RIPOR3: variants seen among roughly 807,000 people sequenced by gnomAD.
RIPOR3 encodes the protein family with sequence similarity 65 member C.
Under a neutral mutation model 114.3 loss-of-function variants are expected in RIPOR3, and 95 were observed. The observed-to-expected ratio is 0.83, with a 90% CI of 0.70 to 0.99. The LOEUF is 0.99. Ranked by LOEUF, RIPOR3 falls within the 50% of genes least tolerant of loss-of-function variation. The pLI, the probability that RIPOR3 is intolerant of heterozygous loss-of-function variation, is 0.00. For missense variants in RIPOR3, 1,252 were observed against 1,266.9 expected (o/e 0.99, Z 0.18); for synonymous variants, 575 against 543.8 (o/e 1.06, Z -0.80).
chr20:50,660,749 CTTTT>C (rs58201824), intron 1 of RIPOR3, among the ~76,000 whole-genome samples: 5 of 83,250 alleles, frequency 6.0e-5, no homozygotes, highest in Middle Eastern at 6.8e-3. Flanking sequence ...TGGGATTTAC[CTTTT>C]TTTTTTTTTT....
chr20:50,658,974 G>A (rs2085906147), intron 1 of RIPOR3, among the ~76,000 whole-genome samples: 2 of 152,134 alleles, frequency 1.3e-5, no homozygotes, highest in Admixed American at 6.5e-5. Flanking sequence ...AGTACCCAGT[G>A]CCAAACGGAA....
At chr20:50,610,207 C>T (rs2083925340) in intron 6 of RIPOR3, among the ~76,000 whole-genome samples, 1 of 151,076 alleles carries the variant, frequency 6.6e-6, no homozygotes, top group South Asian at 2.1e-4. Context: ...CCACCCCTGC[C>T]AACCCTGTCT....
chr20:50,644,962 C>T (rs12625811), intron 1 of RIPOR3, among the ~76,000 whole-genome samples: 21,789 of 151,554 alleles, frequency 0.14, 2,051 homozygotes, highest in African/African-American at 0.26. Context: ...GCCTCAGCCT[C>T]CCGAGTAGCT....
At position 50,597,808 on chromosome 20, in the gene RIPOR3, C is replaced by T. The variant is rs563213964; in HGVS notation, c.1660-98G>A. ...CTCACGGCAGACTTGGGCAATGTCC[C>T]GGTCCCAAGCCCCAATCCCACACAC... On this transcript the variant is annotated intron_variant, in intron 13 of 21. Coordinates refer to ENST00000327979, the MANE Select transcript of RIPOR3 (RefSeq NM_001290268.2). 90 of 1,484,644 alleles carry T rather than the reference C, an allele frequency of 6.1e-5. 1 individual carries two copies. In the South Asian group the frequency reaches 9.0e-4, roughly 15 times the overall value. 92.0% of individuals were successfully genotyped at this position (1,484,644 alleles called of 1,614,324 possible). A position where few individuals can be genotyped will look rare whatever the true frequency, so the allele number is the denominator to read the frequency against.
At chr20:50,639,525 C>T (rs539899972) in intron 1 of RIPOR3, among the ~76,000 whole-genome samples, 5 of 152,176 alleles carry the variant, frequency 3.3e-5, no homozygotes, top group Admixed American at 2.0e-4. Flanking sequence ...GATGGAGCCA[C>T]CTGAAGTGGC....
intron 1 of RIPOR3, among the ~76,000 whole-genome samples, chr20:50,677,369 T>A (rs1211462954): frequency 1.5e-4 from 1 of 6,458 alleles, no homozygotes; most frequent in Non-Finnish European, 8.5e-4. Flanking sequence ...TTGTTTTACT[T>A]TTTTTTTTTT....
chr20:50,633,826 C>T (rs1324805937), intron 1 of RIPOR3, among the ~76,000 whole-genome samples: 1 of 152,174 alleles, frequency 6.6e-6, no homozygotes, highest in Non-Finnish European at 1.5e-5. Context: ...CGGAGCAGAC[C>T]TGCAGAACCT....
rs1333308637 is a variant in RIPOR3 at position 50,586,770 on chromosome 20, GGCCAGCCACCT to G, written c.*451_*461del. On this transcript the variant is annotated 3_prime_UTR_variant, in exon 22 of 22. Coordinates refer to ENST00000327979, the MANE Select transcript of RIPOR3 (RefSeq NM_001290268.2). Reference sequence around the variant, plus strand: ...GGCCTGAGCAGTCTTGCATTAGCAGGGCCAGCCACCTGCCAGCCTGCTGCATCCCCAGTGCC... The same window carrying G: ...GGCCTGAGCAGTCTTGCATTAGCAGGGCCAGCCTGCTGCATCCCCAGTGCC... 9.8e-5 allele frequency: 16 copies of G among 163,776 alleles called. No individual in the cohort carries two copies. Among genetic ancestry groups the G allele is most frequent in the Non-Finnish European group, 2.2e-4 (16 of 74,114 alleles). 10.1% of individuals were successfully genotyped at this position (163,776 alleles called of 1,614,324 possible).
intron 1 of RIPOR3, among the ~76,000 whole-genome samples, chr20:50,659,642 C>T (rs1339800775): frequency 3.2e-5 from 4 of 125,206 alleles, no homozygotes; most frequent in South Asian, 2.6e-4. Flanking sequence ...AGCGAAACTC[C>T]GTCTCAAAAA....
At chr20:50,618,592 C>T (rs1288553114) in intron 3 of RIPOR3, among the ~76,000 whole-genome samples, 1 of 152,234 alleles carries the variant, frequency 6.6e-6, no homozygotes, top group African/African-American at 2.4e-5. Context: ...TGAACCCTCC[C>T]TGCCTCTGCC....
intron 1 of RIPOR3, among the ~76,000 whole-genome samples, chr20:50,666,226 T>TCTTTTCTCTTCTCCTCTC (rs1555873214): frequency 1.4e-5 from 2 of 139,736 alleles, no homozygotes; most frequent in African/African-American, 5.4e-5. Flanking sequence ...TCTTTTCTTT[T>TCTTTTCTCTTCTCCTCTC]TTGAGACGGA....
At chr20:50,648,428 G>A in intron 1 of RIPOR3, among the ~76,000 whole-genome samples, 1 of 151,364 alleles carries the variant, frequency 6.6e-6, no homozygotes. Context: ...CAAGGTGTCG[G>A]CAGGGCCATG....
intron 1 of RIPOR3, among the ~76,000 whole-genome samples, chr20:50,671,806 GGATA>G (rs1339335490): frequency 3.3e-5 from 5 of 151,742 alleles, no homozygotes; most frequent in Non-Finnish European, 5.9e-5. Context: ...ATGGATGGAT[GGATA>G]GATGGATGGA....
intron 1 of RIPOR3, among the ~76,000 whole-genome samples, chr20:50,664,179 G>A (rs2086106104): frequency 6.6e-6 from 1 of 152,086 alleles, no homozygotes; most frequent in East Asian, 1.9e-4. Flanking sequence ...CACCTGCCTC[G>A]ACCTCCCAAA....
In RIPOR3 at chr20:50,592,563, A is replaced by ACATTC. The variant is rs2083147126; in HGVS notation, c.2375-18_2375-17insGAATG. The stretch of plus-strand genomic sequence containing the variant: ...TGAGTGTCACTAGAAGACAGGAAAG[A>ACATTC]GGTGGGCCCAGGTCCCCTGAATGGG... On this transcript the variant is annotated splice_polypyrimidine_tract_variant and intron_variant, in intron 18 of 21. Transcript: ENST00000327979. The ACATTC allele has an allele frequency of 1.4e-5, 21 of 1,482,350 alleles. No homozygotes were observed. The highest frequency in any genetic ancestry group is 1.7e-5 in the Non-Finnish European group (19 of 1,115,734). 91.8% of individuals were successfully genotyped at this position (1,482,350 alleles called of 1,614,324 possible).
Position 50,602,116 on chromosome 20 carries a change from G to T in RIPOR3, c.1615C>A (p.Arg539=), listed in dbSNP as rs755147742. 6.2e-7 allele frequency: 1 copy of T among 1,603,716 alleles called. No individual in the cohort carries two copies. Among genetic ancestry groups the T allele is most frequent in the Admixed American group, 1.7e-5 (1 of 58,842 alleles). The part of the protein sequence containing the change: ...RPTDSTQPQL[R]ELEYQVLGFR... ...CCGAGGACCTGGTACTCCAGCTCCC[G>T]GAGCTGGGGCTGGGTGGAGTCCGTG... The change falls in exon 13 of 22, where the codon CGG becomes AGG. Residue 539 remains arginine, a synonymous_variant. Transcript: ENST00000327979. The surrounding 1 kb of genome is among the most constrained non-coding windows in gnomAD (Gnocchi z 4.3).
chr20:50,622,402 G>C (rs559872508), intron 2 of RIPOR3, among the ~76,000 whole-genome samples: 4 of 151,818 alleles, frequency 2.6e-5, no homozygotes, highest in Non-Finnish European at 5.9e-5. Context: ...GGCTGGTCTC[G>C]AACTCCTGAC....
Position 50,602,687 on chromosome 20 carries a change from G to A in RIPOR3, c.1087-43C>T, listed in dbSNP as rs769670118. ...GAGCGGCCTCACCAGCCACCCCAGG[G>A]ACCACAGCAAGTCCCCCAGAGGGGC... On this transcript the variant is annotated intron_variant, in intron 12 of 21. Transcript: ENST00000327979. This position sits in a 1 kb window ranked among gnomAD's most constrained non-coding sequence, Gnocchi z 4.3. 1.9e-5 allele frequency: 26 copies of A among 1,400,570 alleles called. No individual in the cohort carries two copies. The highest frequency in any genetic ancestry group is 2.6e-5 in the Admixed American group (1 of 38,298). 86.8% of individuals were successfully genotyped at this position (1,400,570 alleles called of 1,614,324 possible).
At chr20:50,668,623 A>C (rs1355184024) in intron 1 of RIPOR3, among the ~76,000 whole-genome samples, 1 of 152,128 alleles carries the variant, frequency 6.6e-6, no homozygotes, top group African/African-American at 2.4e-5. Context: ...TTGGGAGGTC[A>C]AGGCGGGCGG....
Sources: allele counts gnomAD v4.1 joint callset (sites outside exome capture counted in the v4.1 genomes callset), GRCh38; gene constraint gnomAD v4.1.1; non-coding constraint Gnocchi (gnomAD v3.1); transcripts MANE v1.5; gene names NCBI Gene and HGNC (gene_info 2026-07-23, HGNC 2026-07-21).